Variants in INO80C observed in about 807,000 individuals in gnomAD.
The protein encoded by INO80C is IES6 homolog.
A neutral mutation model predicts 17.7 loss-of-function variants in INO80C; 17 were observed. The observed-to-expected ratio is 0.96, with a 90% CI of 0.66 to 1.44. INO80C has a LOEUF of 1.44. INO80C is among the 40% of genes most tolerant of loss of function. The probability of loss-of-function intolerance (pLI) is 0.00; values close to 1 mark genes in which losing one functional copy is unlikely to be tolerated. For synonymous variants in INO80C, 96 were observed against 95.8 expected (o/e 1.00, Z -0.01); for missense variants, 244 against 245.0 (o/e 1.00, Z 0.03).
intron 4 of INO80C, among the ~76,000 whole-genome samples, chr18:35,473,275 A>C (rs1277546634): frequency 6.6e-6 from 1 of 152,210 alleles, no homozygotes; most frequent in Non-Finnish European, 1.5e-5. Context: ...GGCCAAATAC[A>C]TGAAGTAGCC....
intron 1 of INO80C, chr18:35,497,409 G>T: frequency 8.8e-7 from 1 of 1,130,124 alleles, no homozygotes; most frequent in Non-Finnish European, 1.1e-6. Flanking sequence ...ATTTCTGAAT[G>T]ACTGACACTC....
intron 4 of INO80C, among the ~76,000 whole-genome samples, chr18:35,474,205 G>GTT (rs1182452867): frequency 3.7e-5 from 1 of 27,248 alleles, no homozygotes; most frequent in Non-Finnish European, 7.2e-5. Context: ...GTGTGTGTGT[G>GTT]TCTATATATA....
intron 1 of INO80C, 152 bp downstream of exon 1, chr18:35,497,567 A>T: frequency 1.4e-6 from 2 of 1,420,412 alleles, no homozygotes; most frequent in Non-Finnish European, 1.8e-6. Flanking sequence ...GAAGGGAAAG[A>T]GTAGTCATTC....
chr18:35,476,615 G>A (rs1286471188), intron 4 of INO80C, among the ~76,000 whole-genome samples: 1 of 152,168 alleles, frequency 6.6e-6, no homozygotes, highest in Non-Finnish European at 1.5e-5. Flanking sequence ...ATAACAACTA[G>A]TGAGATGGTA....
At chr18:35,475,116 C>A (rs573844246) in intron 4 of INO80C, among the ~76,000 whole-genome samples, 88 of 139,034 alleles carry the variant, frequency 6.3e-4, no homozygotes, top group African/African-American at 2.3e-3. Context: ...AAAAATAATA[C>A]CCTGAGTCAT....
chr18:35,497,742 CT>C lies in INO80C; in HGVS notation c.132del (p.Ala45ArgfsTer15). The C allele has an allele frequency of 6.2e-7, 1 of 1,612,536 alleles. No homozygotes were observed. The highest frequency in any genetic ancestry group is 1.1e-5 in the South Asian group (1 of 91,002). ...ACCTGCGCAAAGCTGGAAGCGGACG[CT>C]TTTTTCTTCTTACTGGCGCCATAGC... ...GGGYGASKKKKASASSFAQGI... is the reference protein window; with the variant it reads ...GGGYGASKKKXASASSFAQGI... On this transcript the variant is annotated frameshift_variant, in exon 1 of 5. Coordinates refer to ENST00000334598, the MANE Select transcript of INO80C (RefSeq NM_194281.4). LOFTEE classifies it high-confidence loss of function.
chr18:35,480,641 T>C (rs1162700085), intron 1 of INO80C, 78 bp from the exon 2 acceptor site: 38 of 1,075,290 alleles, frequency 3.5e-5, no homozygotes, highest in African/African-American at 3.1e-5. Context: ...CAACAGGGCA[T>C]ACGATGATGC....
At position 35,491,664 on chromosome 18, in the gene INO80C, TAAC is replaced by T. The variant is rs138325455; in HGVS notation, c.156+6052_156+6054del. ...GCCTAGCTGAGACTCCTGTGTCTAC[TAAC>T]AACAGGATGAGAGGGAGACAGACCT... On this transcript the variant is annotated intron_variant, in intron 1 of 4. Coordinates refer to ENST00000334598, the MANE Select transcript of INO80C (RefSeq NM_194281.4). 5.2e-3 allele frequency among the ~76,000 whole-genome samples: 789 copies of T among 152,246 alleles called. 5 individuals carry two copies. The highest frequency in any genetic ancestry group is 0.019 in the African/African-American group (769 of 41,532).
At chr18:35,495,201 G>A (rs901406029) in intron 1 of INO80C, among the ~76,000 whole-genome samples, 1 of 152,194 alleles carries the variant, frequency 6.6e-6, no homozygotes, top group African/African-American at 2.4e-5. Flanking sequence ...GGCCAATGTG[G>A]GCAGATTGCT....
chr18:35,487,146 G>C (rs557542842), intron 1 of INO80C, among the ~76,000 whole-genome samples: 1 of 152,272 alleles, frequency 6.6e-6, no homozygotes, highest in Admixed American at 6.5e-5. Flanking sequence ...TTGACATCAA[G>C]TGCCACAACA....
chr18:35,476,742 T>C (rs1402118904), intron 4 of INO80C, among the ~76,000 whole-genome samples: 1 of 152,168 alleles, frequency 6.6e-6, no homozygotes, highest in African/African-American at 2.4e-5. Flanking sequence ...GGCTCACGTC[T>C]TTAATCCCAG....
intron 3 of INO80C, 148 bp from the exon 4 acceptor site, chr18:35,478,497 A>G (rs1567981561): frequency 4.6e-6 from 3 of 658,846 alleles, no homozygotes; most frequent in African/African-American, 3.7e-5. Flanking sequence ...GATTAACTAG[A>G]GAAGTAGGGG....
chr18:35,475,693 GAAAT>G (rs1371193737), intron 4 of INO80C, among the ~76,000 whole-genome samples: 1 of 151,256 alleles, frequency 6.6e-6, no homozygotes, highest in Non-Finnish European at 1.5e-5. Flanking sequence ...AAATGAAGAA[GAAAT>G]AAAGGCTCTT....
At chr18:35,472,900 C>T (rs1238626929) in intron 4 of INO80C, among the ~76,000 whole-genome samples, 1 of 152,154 alleles carries the variant, frequency 6.6e-6, no homozygotes, top group African/African-American at 2.4e-5. Context: ...GCTGATTCTT[C>T]TGTGGGATTG....
At chr18:35,479,760 C>T (rs1360264467) in intron 2 of INO80C, among the ~76,000 whole-genome samples, 1 of 151,846 alleles carries the variant, frequency 6.6e-6, no homozygotes, top group African/African-American at 2.4e-5. Flanking sequence ...ACTACAAAGT[C>T]AGATTTAAAT....
At chr18:35,482,613 C>A (rs2144058451) in intron 1 of INO80C, among the ~76,000 whole-genome samples, 1 of 152,276 alleles carries the variant, frequency 6.6e-6, no homozygotes, top group Middle Eastern at 3.4e-3. Context: ...CTCATCCTCT[C>A]CACTTCTAAG....
intron 2 of INO80C, among the ~76,000 whole-genome samples, chr18:35,480,161 T>C (rs896193923): frequency 1.3e-5 from 2 of 152,170 alleles, no homozygotes; most frequent in Non-Finnish European, 2.9e-5. Flanking sequence ...TTGTCTAAGA[T>C]TGTAAGACCA....
chr18:35,479,333 T>G lies in INO80C; in HGVS notation c.346A>C (p.Arg116=). The change falls in exon 3 of 5, where the codon AGG becomes CGG. Residue 116 remains arginine, a synonymous_variant. Transcript: ENST00000334598. ...TCGTTCAGTTGCCACGGCAATGCCC[T>G]TTCAGAAGCGAGGATTTGTTTCAGG... ...KNLKQILASE[R]ALPWQLNDPN... is the part of the protein sequence containing the mutation. 1 of 1,613,998 alleles carries G rather than the reference T, an allele frequency of 6.2e-7. No individual in the cohort carries two copies. Among genetic ancestry groups the G allele is most frequent in the Non-Finnish European group, 8.5e-7 (1 of 1,179,870 alleles).
intron 2 of INO80C, among the ~76,000 whole-genome samples, chr18:35,480,189 A>G (rs924333338): frequency 6.6e-6 from 1 of 152,198 alleles, no homozygotes; most frequent in Non-Finnish European, 1.5e-5. Context: ...GGTTAGGGGA[A>G]CAATCATCAT....
Sources: gnomAD v4.1 joint callset for allele counts (sites outside exome capture counted in the v4.1 genomes callset) on GRCh38, gnomAD v4.1.1 for gene constraint, MANE v1.5 for transcripts, NCBI Gene and HGNC (gene_info 2026-07-23, HGNC 2026-07-21) for gene names.